Variants in PLCE1 observed in about 807,000 individuals in gnomAD.
The protein encoded by PLCE1 is 1-phosphatidylinositol 4,5-bisphosphate phosphodiesterase epsilon-1.
PLCE1 carries 119 observed loss-of-function variants against 242.8 expected under a neutral mutation model. The observed-to-expected ratio is 0.49, with a 90% confidence interval of 0.42 to 0.57. The LOEUF (loss-of-function observed/expected upper bound fraction) is 0.57. Ranked by LOEUF, PLCE1 falls within the 20% of genes least tolerant of loss-of-function variation. The pLI is 0.00. For missense variants in PLCE1, 2,441 were observed against 2,788.8 expected (o/e 0.88, Z 2.81); for synonymous variants, 945 against 1,017.4 (o/e 0.93, Z 1.35).
chr10:94,222,629 C>T (rs1371347976), intron 4 of PLCE1, among the ~76,000 whole-genome samples: 1 of 152,152 alleles, frequency 6.6e-6, no homozygotes, highest in African/African-American at 2.4e-5. Flanking sequence ...CTCACCCTTT[C>T]CTTTAGGGGG....
chr10:94,052,934 A>C (rs2043804415), intron 2 of PLCE1, among the ~76,000 whole-genome samples: 1 of 152,218 alleles, frequency 6.6e-6, no homozygotes, highest in South Asian at 2.1e-4. Context: ...AAATTGAAAA[A>C]ATCTGGAGTG....
chr10:94,257,664 C>T (rs568170839), intron 11 of PLCE1, among the ~76,000 whole-genome samples: 5 of 152,236 alleles, frequency 3.3e-5, no homozygotes, highest in East Asian at 3.9e-4. Context: ...AGCAAACTAT[C>T]GCAAGGACAG....
intron 2 of PLCE1, among the ~76,000 whole-genome samples, chr10:94,035,913 C>T (rs1196636421): frequency 6.6e-6 from 1 of 152,118 alleles, no homozygotes; most frequent in Admixed American, 6.6e-5. Flanking sequence ...TCTGGTTCCT[C>T]AATCAGATTG....
At chr10:94,293,443 A>G in intron 22 of PLCE1, 65 bp from the exon 23 acceptor site, 1 of 1,556,226 alleles carries the variant, frequency 6.4e-7, no homozygotes, top group South Asian at 1.1e-5. Context: ...ATTAATGGGG[A>G]TGGAAAATGT....
intron 1 of PLCE1, among the ~76,000 whole-genome samples, chr10:94,007,582 TTTTTTTTTTTTTTTGCTACTGGTG>T (rs1370007189): frequency 2.0e-5 from 3 of 149,174 alleles, no homozygotes; most frequent in Admixed American, 2.0e-4. Flanking sequence ...TCTCTTTTTT[TTTTTTTTTTTTTTTGCTACTGGTG>T]TTTCCAGAAG....
At chr10:94,095,981 G>A (rs2045292880) in intron 2 of PLCE1, among the ~76,000 whole-genome samples, 3 of 152,174 alleles carry the variant, frequency 2.0e-5, no homozygotes, top group African/African-American at 7.2e-5. Context: ...GGAGTTGAGG[G>A]AGGCTGTCAT....
In PLCE1 at chr10:94,282,914, C is replaced by G. The variant is rs536758483; in HGVS notation, c.4796-876C>G. The stretch of plus-strand genomic sequence containing the variant: ...AATTTCTTGGGCCCGGTTAGCATGA[C>G]GTTGTGATACTTCTGTGAATACAAA... On this transcript the variant is annotated intron_variant, in intron 20 of 32. Transcript: ENST00000371380. Among the ~76,000 whole-genome samples, 3 of 152,190 alleles carry G rather than the reference C, an allele frequency of 2.0e-5. No individual in the cohort carries two copies. The East Asian group carries it at 5.8e-4, about 29-fold the overall frequency.
At chr10:94,258,972 A>G (rs2051198623) in intron 12 of PLCE1, 42 bp from the exon 13 acceptor site, 2 of 1,614,046 alleles carry the variant, frequency 1.2e-6, no homozygotes, top group African/African-American at 1.3e-5. Flanking sequence ...CCCCATTTCT[A>G]TAAAGATACT....
intron 7 of PLCE1, among the ~76,000 whole-genome samples, chr10:94,238,633 G>A (rs1261413925): frequency 6.6e-6 from 1 of 152,020 alleles, no homozygotes; most frequent in East Asian, 1.9e-4. Flanking sequence ...TTATTTACCA[G>A]CATAAAGAAT....
chr10:94,190,080 C>T (rs1456176457), intron 4 of PLCE1, among the ~76,000 whole-genome samples: 4 of 152,056 alleles, frequency 2.6e-5, no homozygotes, highest in African/African-American at 4.8e-5. Flanking sequence ...CTCACAAGTT[C>T]GAGACCAGCC....
rs185988464 is a variant in PLCE1, at chr10:94,160,125, T to C, written c.1493-11055T>C. On this transcript the variant is annotated intron_variant, in intron 3 of 32. Transcript: ENST00000371380. ...GCAGCATGATTTATAATCCTCTGGG[T>C]ATATACCCAGGAATGGGATGGCTGG... 1.9e-4 allele frequency among the ~76,000 whole-genome samples: 29 copies of C among 152,290 alleles called. No homozygotes were observed. The East Asian group carries it at 5.4e-3, about 28-fold the overall frequency.
intron 4 of PLCE1, among the ~76,000 whole-genome samples, chr10:94,201,322 G>A (rs2136768724): frequency 6.6e-6 from 1 of 152,278 alleles, no homozygotes; most frequent in East Asian, 1.9e-4. Context: ...ACTCACTCAG[G>A]ATTGTTGTAA....
intron 2 of PLCE1, among the ~76,000 whole-genome samples, chr10:94,046,413 G>C (rs1206811455): frequency 6.6e-6 from 1 of 152,198 alleles, no homozygotes; most frequent in African/African-American, 2.4e-5. Context: ...GGGCTGCAAG[G>C]AATTGAGCCA....
At chr10:94,297,590 TAAAAAAAAAAAA>T (rs71031568) in intron 23 of PLCE1, among the ~76,000 whole-genome samples, 2,080 of 56,496 alleles carry the variant, frequency 0.037, 50 homozygotes, top group Non-Finnish European at 0.059. Context: ...TTTAAATTTG[TAAAAAAAAAAAA>T]AAAAAAAAAA....
intron 2 of PLCE1, among the ~76,000 whole-genome samples, chr10:94,103,690 G>C (rs936477265): frequency 6.6e-6 from 1 of 152,182 alleles, no homozygotes; most frequent in African/African-American, 2.4e-5. Flanking sequence ...GCAATTCTAA[G>C]TGTTGAGCTA....
rs564882065 is a variant in PLCE1, at chr10:94,248,021, A to G, written c.3096+1400A>G. 2.0e-5 allele frequency among the ~76,000 whole-genome samples: 3 copies of G among 152,384 alleles called. No homozygotes were observed. In the South Asian group the frequency reaches 6.2e-4, roughly 32 times the overall value. ...AATATCTTTTGTATTGTCACAGAAC[A>G]AATAGAACTACCACTTGAACTACTC... On this transcript the variant is annotated intron_variant, in intron 8 of 32. Coordinates refer to ENST00000371380, the MANE Select transcript of PLCE1 (RefSeq NM_016341.4).
In PLCE1 at chr10:94,252,514, T is replaced by C; in HGVS notation, c.3279+16T>C. 1.2e-6 allele frequency: 2 copies of C among 1,603,078 alleles called. No homozygotes were observed. The highest frequency in any genetic ancestry group is 1.7e-6 in the Non-Finnish European group (2 of 1,172,836). On this transcript the variant is annotated intron_variant, in intron 9 of 32. Transcript: ENST00000371380. Reference sequence around the variant, plus strand: ...CCTCATGAGGGTAGAGTGTTATTTGTTTATTAAGCATTAAACCCATCTTCC... The same window carrying C: ...CCTCATGAGGGTAGAGTGTTATTTGCTTATTAAGCATTAAACCCATCTTCC...
At chr10:94,054,931 G>A (rs2043861653) in intron 2 of PLCE1, among the ~76,000 whole-genome samples, 1 of 148,350 alleles carries the variant, frequency 6.7e-6, no homozygotes. Context: ...AGAATGGCGT[G>A]AATCTGGGAG....
At chr10:94,118,296 G>T (rs936891144) in intron 2 of PLCE1, among the ~76,000 whole-genome samples, 1 of 151,872 alleles carries the variant, frequency 6.6e-6, no homozygotes, top group African/African-American at 2.4e-5. Flanking sequence ...TATAGGGTAG[G>T]CCCAGGTAAG....
Sources: gnomAD v4.1 joint callset for allele counts (sites outside exome capture counted in the v4.1 genomes callset) on GRCh38, gnomAD v4.1.1 for gene constraint, MANE v1.5 for transcripts, NCBI Gene and HGNC (gene_info 2026-07-23, HGNC 2026-07-21) for gene names.